Variants in PAX5 observed in about 807,000 individuals in gnomAD.
The protein encoded by PAX5 is paired box protein Pax-5.
In PAX5, 9 loss-of-function variants were observed where a neutral mutation model predicts 43.7. The observed-to-expected ratio is 0.21, with a 90% CI of 0.12 to 0.36. The LOEUF is 0.36. Ranked by LOEUF, PAX5 falls within the 10% of genes least tolerant of loss-of-function variation. PAX5 has a pLI of 1.00. For synonymous variants in PAX5, 228 were observed against 214.3 expected (o/e 1.06, Z -0.56); for missense variants, 383 against 532.7 (o/e 0.72, Z 2.77).
intron 6 of PAX5, among the ~76,000 whole-genome samples, chr9:36,934,383 G>A (rs929702968): frequency 2.0e-5 from 3 of 152,160 alleles, no homozygotes; most frequent in African/African-American, 7.2e-5. Flanking sequence ...AACAGCAGGA[G>A]GAATCCTTGC....
intron 9 of PAX5, among the ~76,000 whole-genome samples, chr9:36,844,079 A>G (rs563629034): frequency 3.3e-5 from 5 of 152,270 alleles, no homozygotes; most frequent in African/African-American, 1.2e-4. Flanking sequence ...GTCAGAGTGG[A>G]TTCTGTTGTT....
intron 1 of PAX5, among the ~76,000 whole-genome samples, chr9:37,023,205 A>G (rs1468171412): frequency 2.0e-5 from 3 of 152,210 alleles, no homozygotes; most frequent in Non-Finnish European, 4.4e-5. Context: ...TGGAGAAGCT[A>G]GAATAGGCCA....
In PAX5 at chr9:37,023,986, C is replaced by T. The variant is rs2132519793; in HGVS notation, c.47-3185G>A. ...TCTGGAATCTGAGTCCCTCCCTCTC[C>T]CCTTCTGTGAACCCTCTGAAGCTTC... On this transcript the variant is annotated intron_variant, in intron 1 of 9. Transcript: ENST00000358127. Among the ~76,000 whole-genome samples, 3 of 152,314 alleles carry T rather than the reference C, an allele frequency of 2.0e-5. 1 individual carries two copies. The South Asian group carries it at 6.2e-4, about 32-fold the overall frequency.
At chr9:36,871,868 G>A (rs1825524797) in intron 8 of PAX5, among the ~76,000 whole-genome samples, 1 of 152,208 alleles carries the variant, frequency 6.6e-6, no homozygotes, top group Non-Finnish European at 1.5e-5. Flanking sequence ...CACCGGCTTT[G>A]GACAGGGCAC....
At chr9:36,920,627 T>G (rs1011975095) in intron 7 of PAX5, among the ~76,000 whole-genome samples, 4 of 152,104 alleles carry the variant, frequency 2.6e-5, no homozygotes, top group African/African-American at 9.7e-5. Context: ...TGTTTCAGAT[T>G]TTGGATCGCT....
In PAX5 at chr9:36,882,424, G is replaced by A. The variant is rs948357100; in HGVS notation, c.911-319C>T. 2.0e-4 allele frequency among the ~76,000 whole-genome samples: 30 copies of A among 152,076 alleles called. No homozygotes were observed. The highest frequency in any genetic ancestry group is 6.5e-5 in the Admixed American group (1 of 15,278). ...GGCAATGCAGGTGACAGCACGCCCC[G>A]ACTCCAGCCAGCTCTCCCTACTCTC... On this transcript the variant is annotated intron_variant, in intron 7 of 9. Transcript: ENST00000358127. The surrounding 1 kb of genome is among the most constrained non-coding windows in gnomAD (Gnocchi z 4.4).
intron 8 of PAX5, among the ~76,000 whole-genome samples, chr9:36,868,157 G>A (rs538367280): frequency 6.6e-6 from 1 of 152,356 alleles, no homozygotes; most frequent in East Asian, 1.9e-4. Flanking sequence ...AGAAGCCAGA[G>A]CAAATATTGG....
intron 6 of PAX5, 110 bp downstream of exon 6, chr9:36,966,439 A>C: frequency 8.5e-7 from 1 of 1,176,906 alleles, no homozygotes; most frequent in African/African-American, 1.5e-5. Context: ...CTCTCTGAGC[A>C]GAACCTGGTG....
intron 5 of PAX5, among the ~76,000 whole-genome samples, chr9:36,974,954 C>T (rs2132243710): frequency 6.6e-6 from 1 of 152,286 alleles, no homozygotes; most frequent in Admixed American, 6.5e-5. Flanking sequence ...TGCCCCTGGA[C>T]ATTCTGCTCC....
chr9:36,978,877 C>G (rs962317417), intron 5 of PAX5, among the ~76,000 whole-genome samples: 1 of 152,202 alleles, frequency 6.6e-6, no homozygotes, highest in Non-Finnish European at 1.5e-5. Context: ...CAGGAGCCAA[C>G]TACCAAGATT....
intron 7 of PAX5, among the ~76,000 whole-genome samples, chr9:36,896,007 G>T (rs1827830397): frequency 3.3e-5 from 5 of 152,138 alleles, no homozygotes; most frequent in Admixed American, 3.3e-4. Flanking sequence ...CCCTCGGGCA[G>T]GTCCCCTCTC....
chr9:37,022,915 G>A (rs1401054070), intron 1 of PAX5, among the ~76,000 whole-genome samples: 1 of 152,108 alleles, frequency 6.6e-6, no homozygotes, highest in Non-Finnish European at 1.5e-5. Context: ...AAGACCCCTT[G>A]GCCTTCTCCA....
intron 4 of PAX5, among the ~76,000 whole-genome samples, chr9:37,005,445 C>A (rs1357340973): frequency 2.0e-5 from 3 of 152,196 alleles, no homozygotes; most frequent in African/African-American, 7.2e-5. Context: ...AAAGAGCCAA[C>A]CATGGAGGAT....
chr9:36,959,436 T>G (rs1407009550), intron 6 of PAX5, among the ~76,000 whole-genome samples: 1 of 152,258 alleles, frequency 6.6e-6, no homozygotes, highest in African/African-American at 2.4e-5. Flanking sequence ...TCAAGCCTTC[T>G]CTTCATCAGA....
Position 36,932,470 on chromosome 9 carries a change from G to C in PAX5, c.781-8986C>G, listed in dbSNP as rs563287617. Among the ~76,000 whole-genome samples, 35 of 152,328 alleles carry C rather than the reference G, an allele frequency of 2.3e-4. 1 individual carries two copies. In the South Asian group the frequency reaches 7.0e-3, roughly 31 times the overall value. ...ATGAATCTCAAAAGCATTATGCTAG[G>C]TGAAAAAGTCCAGACATATAGGATA... On this transcript the variant is annotated intron_variant, in intron 6 of 9. Coordinates refer to ENST00000358127, the MANE Select transcript of PAX5 (RefSeq NM_016734.3).
intron 8 of PAX5, among the ~76,000 whole-genome samples, chr9:36,862,068 G>A (rs1824267975): frequency 1.3e-5 from 2 of 152,154 alleles, no homozygotes; most frequent in South Asian, 2.1e-4. Flanking sequence ...CTCACGGAGC[G>A]GGGCCAGGTG....
chr9:36,961,725 C>T (rs960194663), intron 6 of PAX5, among the ~76,000 whole-genome samples: 38 of 152,284 alleles, frequency 2.5e-4, no homozygotes, highest in Middle Eastern at 3.4e-3. Flanking sequence ...AGGAGGGACC[C>T]GCTCCCAACA....
chr9:36,912,142 G>C (rs1829346791), intron 7 of PAX5, among the ~76,000 whole-genome samples: 1 of 152,228 alleles, frequency 6.6e-6, no homozygotes, highest in Non-Finnish European at 1.5e-5. Flanking sequence ...CCTTCGGAGA[G>C]CATCCCCACG....
At chr9:36,932,494 T>C (rs994666201) in intron 6 of PAX5, among the ~76,000 whole-genome samples, 4 of 152,296 alleles carry the variant, frequency 2.6e-5, no homozygotes, top group Admixed American at 6.5e-5. Context: ...ACATATAGGA[T>C]AGCCCATAGA....
Sources: allele counts gnomAD v4.1 joint callset (sites outside exome capture counted in the v4.1 genomes callset), GRCh38; gene constraint gnomAD v4.1.1; non-coding constraint Gnocchi (gnomAD v3.1); transcripts MANE v1.5; gene names NCBI Gene and HGNC (gene_info 2026-07-23, HGNC 2026-07-21).